RTTN: variants seen among roughly 807,000 people sequenced by gnomAD.
RTTN encodes rotatin.
Under a neutral mutation model 269.2 loss-of-function variants are expected in RTTN, and 182 were observed. The observed-to-expected ratio is 0.68, with a 90% CI of 0.60 to 0.76. The LOEUF (loss-of-function observed/expected upper bound fraction) is 0.76. RTTN is among the 30% of genes least tolerant of loss of function. The probability of loss-of-function intolerance (pLI) is 0.00; values close to 1 mark genes in which losing one functional copy is unlikely to be tolerated. For synonymous variants in RTTN, 1,006 were observed against 963.5 expected (o/e 1.04, Z -0.82); for missense variants, 2,545 against 2,608.6 (o/e 0.98, Z 0.53).
At chr18:70,188,289 T>TTG in intron 9 of RTTN, 66 bp from the exon 10 acceptor site, 1 of 807,606 alleles carries the variant, frequency 1.2e-6, no homozygotes. Context: ...ATCAGCTGAA[T>TTG]ATCATATTGC....
chr18:70,201,984 C>A lies in RTTN; in HGVS notation c.398-1G>T, dbSNP rs1319106571. On this transcript the variant is annotated splice_acceptor_variant, in intron 3 of 48. Coordinates refer to ENST00000640769, the MANE Select transcript of RTTN (RefSeq NM_173630.4). LOFTEE classifies it high-confidence loss of function. Reference sequence around the variant, plus strand: ...AAGATTTCAGGGTTTTTTGACAATTCTGAAAAGGAAATAAACATTACTGTA... The same window carrying A: ...AAGATTTCAGGGTTTTTTGACAATTATGAAAAGGAAATAAACATTACTGTA... 4 of 1,567,402 alleles carry A rather than the reference C, an allele frequency of 2.6e-6. No individual in the cohort carries two copies. The African/African-American group carries it at 5.4e-5, about 21-fold the overall frequency.
chr18:70,149,703 A>G (rs1019997159), intron 16 of RTTN, among the ~76,000 whole-genome samples: 36 of 152,066 alleles, frequency 2.4e-4, no homozygotes, highest in African/African-American at 8.5e-4. Context: ...GTTGAGTTCT[A>G]TTTTTCACAG....
intron 40 of RTTN, among the ~76,000 whole-genome samples, chr18:70,043,893 C>T (rs1036827644): frequency 9.2e-5 from 14 of 152,190 alleles, no homozygotes; most frequent in Non-Finnish European, 2.1e-4. Flanking sequence ...GTGGACACGA[C>T]TGGAAGTGTG....
rs5825998 is a variant in RTTN at position 70,175,045 on chromosome 18, C to CAAA, written c.1476+1627_1476+1629dup. Among the ~76,000 whole-genome samples the CAAA allele has an allele frequency of 8.8e-3, 762 of 86,398 alleles. 3 individuals are homozygous for CAAA. The highest frequency in any genetic ancestry group is 0.012 in the Non-Finnish European group (550 of 47,782). 56.7% of individuals were successfully genotyped at this position (86,398 alleles called of 152,430 possible). ...TCCGTCTCAAAAACAAAACCAAAAC[C>CAAA]AAAAAAAAAAAAAAAAAAAAAGAAT... On this transcript the variant is annotated intron_variant, in intron 11 of 48. Coordinates refer to ENST00000640769, the MANE Select transcript of RTTN (RefSeq NM_173630.4).
At chr18:70,048,239 A>T in intron 39 of RTTN, 51 bp from the exon 40 acceptor site, 1 of 1,503,198 alleles carries the variant, frequency 6.7e-7, no homozygotes, top group South Asian at 1.2e-5. Context: ...TCAAAATTCA[A>T]CAAAAAGGAA....
intron 32 of RTTN, among the ~76,000 whole-genome samples, chr18:70,076,454 G>A (rs1250306251): frequency 1.3e-5 from 2 of 151,972 alleles, no homozygotes; most frequent in Non-Finnish European, 2.9e-5. Flanking sequence ...ATCACCAAAA[G>A]AAGATGGATA....
At chr18:70,107,184 G>A (rs1281999860) in intron 28 of RTTN, among the ~76,000 whole-genome samples, 3 of 152,168 alleles carry the variant, frequency 2.0e-5, no homozygotes, top group Admixed American at 2.0e-4. Context: ...ATAAGCTGTA[G>A]CTATGCCCCA....
chr18:70,189,769 C>G (rs140443326), intron 9 of RTTN, among the ~76,000 whole-genome samples: 1 of 152,234 alleles, frequency 6.6e-6, no homozygotes, highest in African/African-American at 2.4e-5. Flanking sequence ...ATAATGCACA[C>G]AAAACCAAGT....
intron 40 of RTTN, chr18:70,031,229 A>G (rs2057003787): frequency 1.3e-5 from 7 of 526,306 alleles, no homozygotes; most frequent in Non-Finnish European, 2.0e-5. Context: ...AAAAAGCTTT[A>G]TTTAGCTTTC....
intron 7 of RTTN, among the ~76,000 whole-genome samples, chr18:70,193,981 C>T (rs1467764237): frequency 1.3e-5 from 2 of 152,170 alleles, no homozygotes; most frequent in Non-Finnish European, 2.9e-5. Context: ...GGGAACATTA[C>T]AAGAAAGTGT....
Position 70,088,157 on chromosome 18 carries a change from T to C in RTTN, c.4144-10A>G. On this transcript the variant is annotated splice_polypyrimidine_tract_variant and intron_variant, in intron 30 of 48. Transcript: ENST00000640769. ...GTGAAGTGAATCTCACCTGTTCAAA[T>C]TAAAGAGAAAGTTGTTGAATCAAAT... 6.3e-7 allele frequency: 1 copy of C among 1,592,658 alleles called. No homozygotes were observed. The highest frequency in any genetic ancestry group is 1.8e-5 in the Admixed American group (1 of 55,948).
intron 40 of RTTN, 136 bp downstream of exon 40, chr18:70,047,835 T>C (rs2144774210): frequency 1.4e-6 from 1 of 703,624 alleles, no homozygotes; most frequent in African/African-American, 1.8e-5. Context: ...TAAACTTTTG[T>C]ATCATTTAAA....
At chr18:70,096,199 AC>A (rs1256328621) in intron 28 of RTTN, among the ~76,000 whole-genome samples, 1 of 151,678 alleles carries the variant, frequency 6.6e-6, no homozygotes, top group Non-Finnish European at 1.5e-5. Context: ...CAATTCCTCT[AC>A]CCTTTATCCA....
chr18:70,124,156 A>G (rs1217012662), intron 25 of RTTN, among the ~76,000 whole-genome samples: 2 of 152,044 alleles, frequency 1.3e-5, no homozygotes, highest in Admixed American at 6.6e-5. Flanking sequence ...GAGCTGTCAC[A>G]TGTGAAGACA....
intron 14 of RTTN, among the ~76,000 whole-genome samples, chr18:70,154,069 C>CA (rs1196937411): frequency 2.0e-5 from 3 of 152,018 alleles, no homozygotes; most frequent in African/African-American, 7.2e-5. Context: ...AATATTCTTT[C>CA]AGTTTAAATT....
At chr18:70,106,933 AAC>A (rs1451369876) in intron 28 of RTTN, among the ~76,000 whole-genome samples, 3 of 152,220 alleles carry the variant, frequency 2.0e-5, no homozygotes, top group African/African-American at 7.2e-5. Flanking sequence ...TTGAGGTCCG[AAC>A]ACAGTTAGCA....
intron 1 of RTTN, 54 bp from the exon 2 acceptor site, chr18:70,205,369 T>C: frequency 6.3e-7 from 1 of 1,595,808 alleles, no homozygotes; most frequent in Non-Finnish European, 8.6e-7. Context: ...AGAGACTACG[T>C]TATTTATGCT....
intron 32 of RTTN, among the ~76,000 whole-genome samples, chr18:70,078,882 G>A (rs2058492756): frequency 6.6e-6 from 1 of 152,100 alleles, no homozygotes; most frequent in African/African-American, 2.4e-5. Context: ...TCTCAGCCAT[G>A]TCTTACTCAT....
intron 10 of RTTN, among the ~76,000 whole-genome samples, chr18:70,182,013 A>G (rs952309434): frequency 6.6e-6 from 1 of 152,198 alleles, no homozygotes; most frequent in Non-Finnish European, 1.5e-5. Context: ...ATTTAAGTTA[A>G]TTTAAGAAAC....
Sources: allele counts gnomAD v4.1 joint callset (sites outside exome capture counted in the v4.1 genomes callset), GRCh38; gene constraint gnomAD v4.1.1; transcripts MANE v1.5; gene names NCBI Gene and HGNC (gene_info 2026-07-23, HGNC 2026-07-21).